The following IMMP2L variants were observed in gnomAD, a reference collection of about 807,000 sequenced individuals.
The protein encoded by IMMP2L is mitochondrial inner membrane protease subunit 2.
IMMP2L carries 18 observed loss-of-function variants against 19.3 expected under a neutral mutation model. The ratio of observed to expected loss-of-function variants is 0.93; its 90% CI spans 0.64 to 1.38. The LOEUF (loss-of-function observed/expected upper bound fraction) is 1.38, where lower values mean the gene tolerates loss of function less well. Among genes scored for constraint, IMMP2L ranks in the 40% most tolerant of loss-of-function variants. The pLI is 0.00. For missense variants in IMMP2L, 233 were observed against 218.2 expected, an observed-to-expected ratio of 1.07 and a Z score of -0.43; for synonymous variants, 76 against 73.0, an observed-to-expected ratio of 1.04 and a Z score of -0.21.
intron 5 of IMMP2L, among the ~76,000 whole-genome samples, chr7:110,777,404 T>C (rs1238555904): frequency 1.3e-5 from 2 of 152,088 alleles, no homozygotes; most frequent in East Asian, 1.9e-4. Context: ...CCGGGACAAT[T>C]TGAAAGCAAA....
At chr7:110,785,401 C>G (rs1800003618) in intron 5 of IMMP2L, among the ~76,000 whole-genome samples, 1 of 151,872 alleles carries the variant, frequency 6.6e-6, no homozygotes, top group Admixed American at 6.6e-5. Flanking sequence ...TTCTGGTGAC[C>G]TTGAAAATCA....
At chr7:111,083,726 G>A (rs892827625) in intron 3 of IMMP2L, among the ~76,000 whole-genome samples, 1 of 152,158 alleles carries the variant, frequency 6.6e-6, no homozygotes, top group Non-Finnish European at 1.5e-5. Flanking sequence ...TATGTGTGCA[G>A]GGTCTACCAA....
At chr7:110,842,104 T>C (rs1449667605) in intron 5 of IMMP2L, among the ~76,000 whole-genome samples, 8 of 152,180 alleles carry the variant, frequency 5.3e-5, no homozygotes, top group Admixed American at 5.2e-4. Context: ...GATTACAATT[T>C]AGAACATATG....
chr7:110,795,689 G>C (rs1800816836), intron 5 of IMMP2L, among the ~76,000 whole-genome samples: 2 of 152,178 alleles, frequency 1.3e-5, no homozygotes, highest in African/African-American at 2.4e-5. Flanking sequence ...TTTAACCCCA[G>C]AGCTGATGCC....
At chr7:111,227,733 G>GT (rs1813258812) in intron 3 of IMMP2L, among the ~76,000 whole-genome samples, 2 of 152,078 alleles carry the variant, frequency 1.3e-5, no homozygotes, top group African/African-American at 4.8e-5. Context: ...TTTGTCAAAA[G>GT]TATGTTGGTC....
chr7:111,521,390 A>G lies in IMMP2L; in HGVS notation c.58T>C (p.Phe20Leu). ...RYIKAFCKGF[F>L]VAVPVAVTFL... ...GTCACTGCCACAGGCACCGCCACAAAGAAGCCTTTACAAAAGGCCTTGATG... is the reference window on the plus strand; with the variant it reads ...GTCACTGCCACAGGCACCGCCACAAGGAAGCCTTTACAAAAGGCCTTGATG... The change falls in exon 2 of 6, where the codon TTT (phenylalanine) becomes CTT (leucine). Residue 20 changes from phenylalanine (F) to leucine (L), a missense_variant. Transcript: ENST00000405709. 6.2e-7 allele frequency: 1 copy of G among 1,613,332 alleles called. No individual in the cohort carries two copies. Among genetic ancestry groups the G allele is most frequent in the Non-Finnish European group, 8.5e-7 (1 of 1,179,476 alleles).
intron 3 of IMMP2L, among the ~76,000 whole-genome samples, chr7:111,478,067 C>A (rs947965710): frequency 1.3e-5 from 2 of 152,098 alleles, no homozygotes; most frequent in African/African-American, 4.8e-5. Flanking sequence ...GATAATGCTT[C>A]TTCCTCAATT....
At chr7:110,813,894 G>A (rs1258547377) in intron 5 of IMMP2L, among the ~76,000 whole-genome samples, 1 of 151,652 alleles carries the variant, frequency 6.6e-6, no homozygotes, top group Non-Finnish European at 1.5e-5. Flanking sequence ...TACACCAAAA[G>A]GAAAGAAATT....
intron 3 of IMMP2L, among the ~76,000 whole-genome samples, chr7:111,081,022 T>C (rs1226496180): frequency 6.6e-6 from 1 of 152,242 alleles, no homozygotes; most frequent in Non-Finnish European, 1.5e-5. Context: ...ATTGAAGACC[T>C]GTAATCAGAC....
rs371298733 is a variant in IMMP2L, at chr7:111,514,366, T to G, written c.135+6947A>C. Among the ~76,000 whole-genome samples the G allele has an allele frequency of 5.5e-4, 84 of 151,468 alleles. 2 individuals carry two copies. Among genetic ancestry groups the G allele is most frequent in the African/African-American group, 1.9e-3 (78 of 41,294 alleles). ...GGGCAACATCGCACACCGGGGCCTG[T>G]GGTGGGGTTGGGGGATGGGGGAGGG... On this transcript the variant is annotated intron_variant, in intron 2 of 5. Transcript: ENST00000405709.
intron 5 of IMMP2L, among the ~76,000 whole-genome samples, chr7:110,884,998 G>A (rs1040077364): frequency 1.3e-5 from 2 of 151,954 alleles, no homozygotes; most frequent in Admixed American, 6.6e-5. Flanking sequence ...GCAGGAGTGT[G>A]CCCTCATACT....
chr7:110,991,373 T>C (rs1303631761), intron 3 of IMMP2L, among the ~76,000 whole-genome samples: 2 of 152,282 alleles, frequency 1.3e-5, no homozygotes, highest in Non-Finnish European at 1.5e-5. Flanking sequence ...AATTCCACCA[T>C]TCATAAAATA....
intron 3 of IMMP2L, among the ~76,000 whole-genome samples, chr7:111,356,722 A>G (rs1699533279): frequency 6.6e-6 from 1 of 152,154 alleles, no homozygotes; most frequent in African/African-American, 2.4e-5. Flanking sequence ...ATTTTTATTC[A>G]TAAGATTTTA....
intron 5 of IMMP2L, among the ~76,000 whole-genome samples, chr7:110,677,358 C>T (rs1262097079): frequency 6.6e-6 from 1 of 152,104 alleles, no homozygotes; most frequent in African/African-American, 2.4e-5. Flanking sequence ...ATAAATGATG[C>T]TCCCTACTTT....
chr7:110,838,000 T>C (rs919886362), intron 5 of IMMP2L, among the ~76,000 whole-genome samples: 1 of 152,180 alleles, frequency 6.6e-6, no homozygotes, highest in African/African-American at 2.4e-5. Flanking sequence ...CAATTTGTTT[T>C]GGTCAAATGA....
intron 3 of IMMP2L, among the ~76,000 whole-genome samples, chr7:111,065,391 T>A (rs1438847397): frequency 6.6e-6 from 1 of 152,182 alleles, no homozygotes; most frequent in Non-Finnish European, 1.5e-5. Flanking sequence ...TTAGGTATGA[T>A]CTCAGGAGAT....
At chr7:111,511,650 C>CAA (rs1252976534) in intron 2 of IMMP2L, among the ~76,000 whole-genome samples, 5 of 53,254 alleles carry the variant, frequency 9.4e-5, no homozygotes, top group Admixed American at 2.0e-4. Context: ...CTCTGTTGAA[C>CAA]AAAAAAAAAA....
At chr7:110,969,936 T>C (rs1268207452) in intron 3 of IMMP2L, among the ~76,000 whole-genome samples, 1 of 152,116 alleles carries the variant, frequency 6.6e-6, no homozygotes, top group Non-Finnish European at 1.5e-5. Context: ...CACAGGAAAA[T>C]GTATTTTAAC....
chr7:110,685,067 A>G (rs12540894), intron 5 of IMMP2L, among the ~76,000 whole-genome samples: 1 of 152,042 alleles, frequency 6.6e-6, no homozygotes, highest in African/African-American at 2.4e-5. Flanking sequence ...TTGGGGGGGA[A>G]GGGGATGTCT....
Sources: allele counts gnomAD v4.1 joint callset (sites outside exome capture counted in the v4.1 genomes callset), GRCh38; gene constraint gnomAD v4.1.1; transcripts MANE v1.5; gene names NCBI Gene and HGNC (gene_info 2026-07-23, HGNC 2026-07-21).